The following SIGLEC9 variants were observed in gnomAD, a reference collection of about 807,000 sequenced individuals.
SIGLEC9 encodes the protein sialic acid binding Ig like lectin 9.
In SIGLEC9, 26 loss-of-function variants were observed where a neutral mutation model predicts 38.3. The ratio of observed to expected loss-of-function variants is 0.68; its 90% confidence interval spans 0.50 to 0.94. SIGLEC9 has a LOEUF of 0.94. Ranked by LOEUF, SIGLEC9 falls within the 40% of genes least tolerant of loss-of-function variation. SIGLEC9 has a pLI of 0.00. For synonymous variants in SIGLEC9, 236 were observed against 248.0 expected, an observed-to-expected ratio of 0.95 and a Z score of 0.45; for missense variants, 556 against 585.7, an observed-to-expected ratio of 0.95 and a Z score of 0.52.
intron 2 of SIGLEC9, 57 bp downstream of exon 2, chr19:51,125,932 A>G: frequency 8.7e-6 from 14 of 1,606,692 alleles, no homozygotes; most frequent in Middle Eastern, 1.7e-4. Context: ...AAGCCTGGAC[A>G]CTGGGTGCTG....
upstream of SIGLEC9, among the ~76,000 whole-genome samples, chr19:51,121,154 G>GTTTTTTTTTTTTTTTTTTTTTTTTT (rs112928576): frequency 1.3e-5 from 2 of 150,974 alleles, no homozygotes; most frequent in African/African-American, 4.9e-5. Flanking sequence ...CAGAGTATGA[G>GTTTTTTTTTTTTTTTTTTTTTTTTT]TTTTTTTGTT....
At position 51,136,195 on chromosome 19, in the gene SIGLEC9, C is replaced by T. The variant is rs963369690; in HGVS notation, c.1437C>T (p.Gly479=). 3 of 702,892 alleles carry T rather than the reference C, an allele frequency of 4.3e-6. No homozygotes were observed. The African/African-American group carries it at 5.2e-5, about 12-fold the overall frequency. 43.5% of individuals were successfully genotyped at this position (702,892 alleles called of 1,614,324 possible). A position where few individuals can be genotyped will look rare whatever the true frequency, so the allele number is the denominator to read the frequency against. The stretch of plus-strand genomic sequence containing the variant: ...ACTGGTTCTTCCTCATCTGTGTGGG[C>T]TGATGTTCCTTTAATCTTTGAAGTT... Residue 479 remains glycine (G), a synonymous_variant, in exon 7 of 7, where the codon GGC becomes GGT. Transcript: ENST00000440804.
At chr19:51,123,839 ATACTCCCAG>A (rs1333464728), upstream of SIGLEC9, among the ~76,000 whole-genome samples, 2 of 152,176 alleles carry the variant, frequency 1.3e-5, no homozygotes, top group African/African-American at 4.8e-5. Context: ...ACCACACAGG[ATACTCCCAG>A]TTCCTCCCAG....
upstream of SIGLEC9, among the ~76,000 whole-genome samples, chr19:51,123,143 AG>A (rs2091953972): frequency 1.3e-5 from 2 of 152,152 alleles, no homozygotes; most frequent in Non-Finnish European, 2.9e-5. Flanking sequence ...TCACCTGATC[AG>A]GGGGCCATCC....
exon 7 of SIGLEC9, chr19:51,136,188 G>C: frequency 1.4e-6 from 1 of 703,320 alleles, no homozygotes. Context: ...TTCCTCATCT[G>C]TGTGGGCTGA....
At chr19:51,120,402 C>G (rs1342453011), upstream of SIGLEC9, 1 of 152,210 alleles carries the variant, frequency 6.6e-6, no homozygotes, top group East Asian at 1.9e-4. This position sits in a 1 kb window ranked among gnomAD's most constrained non-coding sequence, Gnocchi z 4.1. Context: ...ATTCAGGGGC[C>G]CTGGGGTGGG....
chr19:51,135,574 A>G (rs900120367), intron 6 of SIGLEC9, among the ~76,000 whole-genome samples: 1 of 152,154 alleles, frequency 6.6e-6, no homozygotes, highest in South Asian at 2.1e-4. Flanking sequence ...AATCTTGTAC[A>G]GTATCTTCCT....
chr19:51,134,837 A>C (rs1281936243), downstream of SIGLEC9, among the ~76,000 whole-genome samples: 1 of 152,012 alleles, frequency 6.6e-6, no homozygotes, highest in Admixed American at 6.6e-5. Context: ...CTAATTTGGG[A>C]TCTTTCTAAC....
At chr19:51,121,108 G>A (rs1233472931), upstream of SIGLEC9, among the ~76,000 whole-genome samples, 4 of 151,978 alleles carry the variant, frequency 2.6e-5, no homozygotes, top group East Asian at 7.7e-4. Flanking sequence ...GCCTCCCAAA[G>A]TGTTGGGATT....
chr19:51,134,708 A>G (rs2092033813), downstream of SIGLEC9, among the ~76,000 whole-genome samples: 2 of 151,816 alleles, frequency 1.3e-5, no homozygotes, highest in South Asian at 4.2e-4. Context: ...TTTTGTAGGA[A>G]TTTTCGTATC....
At position 51,127,163 on chromosome 19, in the gene SIGLEC9, G is replaced by C. The variant is rs754203538; in HGVS notation, c.882G>C (p.Leu294=). Residue 294 remains leucine, a synonymous_variant, in exon 4 of 7, where the codon CTG becomes CTC. Coordinates refer to ENST00000250360, the MANE Select transcript of SIGLEC9 (RefSeq NM_014441.3). ...GCCTGAGCTGGAGAGGCCTGACCCTGTGCCCCTCACAGCCCTCAAACCCGG... is the reference window on the plus strand; with the variant it reads ...GCCTGAGCTGGAGAGGCCTGACCCTCTGCCCCTCACAGCCCTCAAACCCGG... ...RLSLSWRGLT[L]CPSQPSNPGV... is the part of the protein sequence containing the mutation. 2.0e-5 allele frequency: 32 copies of C among 1,614,112 alleles called. No individual in the cohort carries two copies. In the East Asian group the frequency reaches 7.1e-4, roughly 36 times the overall value.
At position 51,125,141 on chromosome 19, in the gene SIGLEC9, T is replaced by C. The variant is rs1290759269; in HGVS notation, c.167T>C (p.Val56Ala). The change falls in exon 1 of 7, where the codon GTA becomes GCA. Residue 56 changes from valine to alanine, a missense_variant. Transcript: ENST00000250360. ...PSHGWIYPGP[V>A]VHGYWFREGA... ...CATGGCTGGATTTACCCTGGCCCAG[T>C]AGTTCATGGCTACTGGTTCCGGGAA... is the stretch of plus-strand genomic sequence containing the variant. The C allele has an allele frequency of 6.2e-7, 1 of 1,614,052 alleles. No individual in the cohort carries two copies. Among genetic ancestry groups the C allele is most frequent in the Non-Finnish European group, 8.5e-7 (1 of 1,179,992 alleles).
At chr19:51,129,159 T>TTTG (rs1568613377) in intron 6 of SIGLEC9, among the ~76,000 whole-genome samples, 2 of 144,252 alleles carry the variant, frequency 1.4e-5, no homozygotes, top group African/African-American at 2.8e-5. Flanking sequence ...TTTTTTTTTT[T>TTTG]TTGTTGTTGT....
chr19:51,128,926 C>T (rs1475023881), intron 6 of SIGLEC9: 1 of 174,704 alleles, frequency 5.7e-6, no homozygotes, highest in Non-Finnish European at 1.2e-5. Flanking sequence ...GCTTCATGGG[C>T]CACACAGTCT....
chr19:51,121,765 T>G (rs1599812578), upstream of SIGLEC9, among the ~76,000 whole-genome samples: 1 of 152,024 alleles, frequency 6.6e-6, no homozygotes, highest in East Asian at 1.9e-4. Context: ...TTTTGTACTT[T>G]TAGTAGAAAC....
chr19:51,120,931 C>T (rs368239108), upstream of SIGLEC9, among the ~76,000 whole-genome samples: 41 of 150,664 alleles, frequency 2.7e-4, 1 homozygote, highest in South Asian at 4.4e-3. This position sits in a 1 kb window ranked among gnomAD's most constrained non-coding sequence, Gnocchi z 4.1. Flanking sequence ...CTGCAGCCTC[C>T]GCCTTCCAGG....
chr19:51,135,302 C>A (rs1197126114), downstream of SIGLEC9, among the ~76,000 whole-genome samples: 2 of 152,154 alleles, frequency 1.3e-5, no homozygotes, highest in East Asian at 3.9e-4. Flanking sequence ...TTTTGTTTGT[C>A]TGAAAGGGAT....
chr19:51,122,472 T>A (rs571445592), upstream of SIGLEC9, among the ~76,000 whole-genome samples: 1 of 151,470 alleles, frequency 6.6e-6, no homozygotes, highest in Admixed American at 6.6e-5. The surrounding 1 kb of genome is among the most constrained non-coding windows in gnomAD (Gnocchi z 4.1). Flanking sequence ...TCCCAGCTAC[T>A]CAGGAGGCTG....
rs779033470 is a variant in SIGLEC9, at chr19:51,127,179, T to C, written c.898T>C (p.Ser300Pro). The C allele has an allele frequency of 3.1e-6, 5 of 1,614,230 alleles. No individual in the cohort carries two copies. The South Asian group carries it at 5.5e-5, about 18-fold the overall frequency. Residue 300 changes from serine (S) to proline (P), a missense_variant, in exon 4 of 7, where the codon TCA becomes CCA. By Grantham distance (74) the Ser-to-Pro change is moderately conservative (BLOSUM62 -1). Transcript: ENST00000250360. ...CCTGACCCTGTGCCCCTCACAGCCC[T>C]CAAACCCGGGGGTGCTGGAGCTGCC... Reference protein sequence around the residue: ...RGLTLCPSQPSNPGVLELPWV... With the variant: ...RGLTLCPSQPPNPGVLELPWV...
Sources: gnomAD v4.1 joint callset for allele counts (sites outside exome capture counted in the v4.1 genomes callset) on GRCh38, gnomAD v4.1.1 for gene constraint, Gnocchi (gnomAD v3.1) non-coding constraint, MANE v1.5 for transcripts, NCBI Gene and HGNC (gene_info 2026-07-23, HGNC 2026-07-21) for gene names.